Variants in SGCD observed in about 807,000 individuals in gnomAD.
SGCD encodes sarcoglycan delta.
In SGCD, 18 loss-of-function variants were observed where a neutral mutation model predicts 36.6. The ratio of observed to expected loss-of-function variants is 0.49; its 90% confidence interval spans 0.34 to 0.73. The LOEUF (loss-of-function observed/expected upper bound fraction) is 0.73. Among genes scored for constraint, SGCD ranks in the 30% least tolerant of loss-of-function variants. The pLI, the probability that SGCD is intolerant of heterozygous loss-of-function variation, is 0.01. For missense variants in SGCD, 387 were observed against 346.7 expected, an observed-to-expected ratio of 1.12 and a Z score of -0.92; for synonymous variants, 133 against 130.6, an observed-to-expected ratio of 1.02 and a Z score of -0.12.
chr5:155,821,715 T>C, the SGCD span, among the ~76,000 whole-genome samples: 2 of 152,216 alleles, frequency 1.3e-5, no homozygotes, highest in Admixed American at 1.3e-4. Flanking sequence ...ATTTTGCAGA[T>C]TATAAAAAAT....
At chr5:155,832,192 G>A in the SGCD span, among the ~76,000 whole-genome samples, 1 of 152,038 alleles carries the variant, frequency 6.6e-6, no homozygotes, top group Non-Finnish European at 1.5e-5. Context: ...AGTTTTGCAG[G>A]GTGCAAAATG....
intron 7 of SGCD, among the ~76,000 whole-genome samples, chr5:156,667,144 C>CA (rs1198951319): frequency 6.6e-6 from 1 of 152,120 alleles, no homozygotes; most frequent in African/African-American, 2.4e-5. Context: ...GCAGGTATTT[C>CA]AAAATCTGGA....
chr5:156,650,145 G>C (rs1391834324), intron 7 of SGCD, among the ~76,000 whole-genome samples: 4 of 152,124 alleles, frequency 2.6e-5, no homozygotes, highest in African/African-American at 9.7e-5. Context: ...CATAATCGTA[G>C]TGTTTGTTAC....
At chr5:156,691,679 GC>G (rs1350879292) in intron 7 of SGCD, among the ~76,000 whole-genome samples, 1 of 152,070 alleles carries the variant, frequency 6.6e-6, no homozygotes, top group African/African-American at 2.4e-5. Flanking sequence ...AAAATGTAAA[GC>G]CCATGCTTAG....
chr5:155,884,480 C>T (rs181437287), intron 1 of SGCD, among the ~76,000 whole-genome samples: 2 of 152,288 alleles, frequency 1.3e-5, no homozygotes, highest in Admixed American at 6.5e-5. Flanking sequence ...TTTCACTTAA[C>T]GACTTTGCTG....
At chr5:156,188,676 C>CA (rs1763821281) in intron 3 of SGCD, among the ~76,000 whole-genome samples, 14 of 136,054 alleles carry the variant, frequency 1.0e-4, no homozygotes, top group Admixed American at 2.1e-4. Context: ...CCGCCCCCCC[C>CA]GACACACATA....
chr5:156,597,915 C>T (rs1457794653), intron 6 of SGCD, among the ~76,000 whole-genome samples: 1 of 152,038 alleles, frequency 6.6e-6, no homozygotes, highest in African/African-American at 2.4e-5. Flanking sequence ...GAAAGGTGAA[C>T]CAAAGCATGG....
At chr5:156,600,887 T>C (rs1761162329) in intron 6 of SGCD, among the ~76,000 whole-genome samples, 1 of 152,210 alleles carries the variant, frequency 6.6e-6, no homozygotes, top group Non-Finnish European at 1.5e-5. Flanking sequence ...TGGTATCTCA[T>C]TTGCATTTCA....
chr5:156,521,261 T>C (rs1467381897), intron 4 of SGCD, among the ~76,000 whole-genome samples: 4 of 151,836 alleles, frequency 2.6e-5, no homozygotes, highest in African/African-American at 4.8e-5. Flanking sequence ...TAGAAGAAAA[T>C]CTAGGTAATA....
chr5:156,642,461 CTTTTTTTTTTT>C (rs58501471), intron 6 of SGCD, among the ~76,000 whole-genome samples: 2,519 of 80,166 alleles, frequency 0.031, 70 homozygotes, highest in Non-Finnish European at 0.043. Context: ...CAGCATCAGT[CTTTTTTTTTTT>C]TTTTTTTTTT....
intron 7 of SGCD, among the ~76,000 whole-genome samples, chr5:156,663,024 C>A (rs889721965): frequency 2.1e-5 from 3 of 145,214 alleles, no homozygotes; most frequent in African/African-American, 7.9e-5. Context: ...TCAACTGGAA[C>A]TTTAATGCCA....
intron 3 of SGCD, among the ~76,000 whole-genome samples, chr5:156,425,662 C>T (rs1305321304): frequency 6.6e-6 from 1 of 151,754 alleles, no homozygotes; most frequent in East Asian, 1.9e-4. Context: ...ACCCATCACC[C>T]GAGCAGTGTA....
intron 1 of SGCD, among the ~76,000 whole-genome samples, chr5:156,005,259 G>C (rs371513937): frequency 1.3e-5 from 2 of 152,082 alleles, no homozygotes; most frequent in South Asian, 2.1e-4. Context: ...CTTCATCCCA[G>C]TCCTAATGGG....
the SGCD span, among the ~76,000 whole-genome samples, chr5:155,783,762 A>G: frequency 2.6e-5 from 4 of 152,168 alleles, 1 homozygote; most frequent in African/African-American, 9.7e-5. Flanking sequence ...AATTCCAGGA[A>G]AGTGGAAGCT....
intron 1 of SGCD, among the ~76,000 whole-genome samples, chr5:155,905,531 C>T (rs539682432): frequency 6.6e-5 from 10 of 152,086 alleles, no homozygotes; most frequent in Non-Finnish European, 1.2e-4. Flanking sequence ...TAAGTTCTCA[C>T]GTGCCAATGA....
At chr5:156,179,407 A>C (rs898820468) in intron 3 of SGCD, among the ~76,000 whole-genome samples, 1 of 152,050 alleles carries the variant, frequency 6.6e-6, no homozygotes, top group Non-Finnish European at 1.5e-5. Context: ...TTCCTTTTGT[A>C]TTATTAAAAA....
chr5:155,793,604 T>C, the SGCD span, among the ~76,000 whole-genome samples: 7 of 151,598 alleles, frequency 4.6e-5, no homozygotes, highest in Admixed American at 3.3e-4. Flanking sequence ...TGCAGTGGTG[T>C]GATCTCAGCT....
At chr5:156,620,782 T>C (rs565122174) in intron 6 of SGCD, among the ~76,000 whole-genome samples, 3 of 152,292 alleles carry the variant, frequency 2.0e-5, no homozygotes, top group African/African-American at 7.2e-5. Flanking sequence ...TATCAGCATA[T>C]AGTAAACAGG....
At chr5:156,126,141 A>G (rs1762167280) in intron 3 of SGCD, among the ~76,000 whole-genome samples, 1 of 152,004 alleles carries the variant, frequency 6.6e-6, no homozygotes, top group South Asian at 2.1e-4. Context: ...TCAGCCTCCC[A>G]AAGTACTGGG....
Sources: gnomAD v4.1 joint callset for allele counts (sites outside exome capture counted in the v4.1 genomes callset) on GRCh38, gnomAD v4.1.1 for gene constraint, MANE v1.5 for transcripts, NCBI Gene and HGNC (gene_info 2026-07-23, HGNC 2026-07-21) for gene names.